Variants in CRACDL observed in about 807,000 individuals in gnomAD.
CRACDL encodes CRACD like, also known as CRACD-like protein.
CRACDL carries 26 observed loss-of-function variants against 70.6 expected under a neutral mutation model. That is an observed-to-expected ratio of 0.37 (90% CI 0.27 to 0.51). The LOEUF (loss-of-function observed/expected upper bound fraction) is 0.51, where lower values mean the gene tolerates loss of function less well. Among genes scored for constraint, CRACDL ranks in the 20% least tolerant of loss-of-function variants. The pLI, the probability that CRACDL is intolerant of heterozygous loss-of-function variation, is 0.94. For synonymous variants in CRACDL, 618 were observed against 615.2 expected, an observed-to-expected ratio of 1.00 and a Z score of -0.07; for missense variants, 1,283 against 1,376.9, an observed-to-expected ratio of 0.93 and a Z score of 1.08.
chr2:98,833,420 A>G (rs962017542), intron 3 of CRACDL, among the ~76,000 whole-genome samples: 5 of 152,246 alleles, frequency 3.3e-5, no homozygotes, highest in African/African-American at 4.8e-5. Flanking sequence ...CTGTGTGTGC[A>G]GCAGGCTGAG....
chr2:98,842,353 A>C (rs1237717350), intron 2 of CRACDL, among the ~76,000 whole-genome samples: 1 of 151,692 alleles, frequency 6.6e-6, no homozygotes, highest in Non-Finnish European at 1.5e-5. Flanking sequence ...AATTACATTT[A>C]TTTTAAATGA....
intron 1 of CRACDL, among the ~76,000 whole-genome samples, chr2:98,874,842 C>T (rs2104604319): frequency 6.6e-6 from 1 of 152,328 alleles, no homozygotes; most frequent in East Asian, 1.9e-4. Flanking sequence ...TCACTTCATG[C>T]TGTTTCCAAG....
chr2:98,804,541 C>CT (rs1704210783), intron 7 of CRACDL, among the ~76,000 whole-genome samples: 1 of 152,132 alleles, frequency 6.6e-6, no homozygotes, highest in South Asian at 2.1e-4. Flanking sequence ...TATACAGTAT[C>CT]TTTTTTGTAG....
chr2:98,919,631 AT>A (rs1196776320), intron 1 of CRACDL, among the ~76,000 whole-genome samples: 2 of 152,226 alleles, frequency 1.3e-5, no homozygotes, highest in Non-Finnish European at 2.9e-5. Context: ...AAGGGGCTTG[AT>A]GGTTTCCCAA....
chr2:98,870,205 G>A (rs1028566958), intron 1 of CRACDL, among the ~76,000 whole-genome samples: 1 of 152,240 alleles, frequency 6.6e-6, no homozygotes, highest in Non-Finnish European at 1.5e-5. Context: ...AGTGTTGACA[G>A]AGGGCTCTGG....
chr2:98,902,191 G>A (rs1006715588), intron 1 of CRACDL, among the ~76,000 whole-genome samples: 1 of 152,204 alleles, frequency 6.6e-6, no homozygotes, highest in African/African-American at 2.4e-5. Flanking sequence ...CACAAGGGAA[G>A]AATGTCATCA....
intron 9 of CRACDL, 23 bp downstream of exon 9, chr2:98,796,097 G>A: frequency 6.2e-7 from 1 of 1,606,736 alleles, no homozygotes; most frequent in African/African-American, 1.3e-5. Flanking sequence ...CAAAGTATGT[G>A]GTAATGTTTG....
intron 1 of CRACDL, among the ~76,000 whole-genome samples, chr2:98,875,254 C>T (rs79626182): frequency 0.048 from 7,239 of 152,286 alleles, 321 homozygotes; most frequent in South Asian, 0.17. Flanking sequence ...CACATGAAGA[C>T]GCAGCTCAGA....
intron 1 of CRACDL, among the ~76,000 whole-genome samples, chr2:98,867,756 C>T (rs1707201920): frequency 6.6e-6 from 1 of 152,190 alleles, no homozygotes; most frequent in African/African-American, 2.4e-5. Flanking sequence ...GACTGCTGCA[C>T]ACATATGTGA....
intron 1 of CRACDL, among the ~76,000 whole-genome samples, chr2:98,928,618 C>A (rs1273481732): frequency 6.6e-6 from 1 of 152,194 alleles, no homozygotes; most frequent in Non-Finnish European, 1.5e-5. Context: ...CCACAAAATT[C>A]ATTCAGTCAT....
At chr2:98,829,637 A>G (rs1705454027) in intron 5 of CRACDL, among the ~76,000 whole-genome samples, 1 of 152,200 alleles carries the variant, frequency 6.6e-6, no homozygotes, top group African/African-American at 2.4e-5. Context: ...AGAGGATTTA[A>G]AAGTCTAGCA....
intron 1 of CRACDL, among the ~76,000 whole-genome samples, chr2:98,889,768 A>G (rs1707915330): frequency 6.6e-6 from 1 of 152,230 alleles, no homozygotes; most frequent in Non-Finnish European, 1.5e-5. Flanking sequence ...AGGTCATAAA[A>G]TAAGTCTCAA....
intron 1 of CRACDL, among the ~76,000 whole-genome samples, chr2:98,861,446 G>A (rs1269879941): frequency 6.6e-6 from 1 of 152,194 alleles, no homozygotes; most frequent in East Asian, 1.9e-4. Context: ...TTGCAAGGAT[G>A]TGAGGAAACT....
intron 1 of CRACDL, among the ~76,000 whole-genome samples, chr2:98,884,140 G>C (rs1558622044): frequency 6.6e-6 from 1 of 152,212 alleles, no homozygotes; most frequent in South Asian, 2.1e-4. Flanking sequence ...GCACGGCAGA[G>C]CCTGGTGCTA....
intron 1 of CRACDL, among the ~76,000 whole-genome samples, chr2:98,872,279 A>G (rs1200570041): frequency 1.3e-5 from 2 of 152,058 alleles, no homozygotes; most frequent in Non-Finnish European, 2.9e-5. Flanking sequence ...AATTGCTTGA[A>G]CCCTGGAGGA....
chr2:98,935,837 C>T (rs1406114562), intron 1 of CRACDL, 101 bp downstream of exon 1: 1 of 152,232 alleles, frequency 6.6e-6, no homozygotes, highest in East Asian at 1.9e-4. Flanking sequence ...CCTCGACCCC[C>T]TAGCCCCGGC....
intron 1 of CRACDL, among the ~76,000 whole-genome samples, chr2:98,934,089 T>G (rs991938116): frequency 6.6e-6 from 1 of 152,162 alleles, no homozygotes; most frequent in Admixed American, 6.5e-5. Context: ...CCTTGAGGAT[T>G]AGGAATCCAC....
chr2:98,877,888 C>T (rs1344564660), intron 1 of CRACDL, among the ~76,000 whole-genome samples: 1 of 152,138 alleles, frequency 6.6e-6, no homozygotes, highest in East Asian at 1.9e-4. Context: ...CCCAGAGCAA[C>T]TCCTCCAGTC....
At chr2:98,847,586 T>TA (rs1706314598) in intron 1 of CRACDL, among the ~76,000 whole-genome samples, 3 of 152,084 alleles carry the variant, frequency 2.0e-5, no homozygotes, top group Admixed American at 6.6e-5. Context: ...GCTTCCTGAA[T>TA]AAAAAAATCC....
Sources: gnomAD v4.1 joint callset for allele counts (sites outside exome capture counted in the v4.1 genomes callset) on GRCh38, gnomAD v4.1.1 for gene constraint, MANE v1.5 for transcripts, NCBI Gene and HGNC (gene_info 2026-07-23, HGNC 2026-07-21) for gene names.